Variants in NDUFS4 observed in about 807,000 individuals in gnomAD.
NDUFS4 encodes NADH dehydrogenase [ubiquinone] iron-sulfur protein 4, mitochondrial.
Under a neutral mutation model 24.3 loss-of-function variants are expected in NDUFS4, and 28 were observed. The ratio of observed to expected loss-of-function variants is 1.15; its 90% CI spans 0.85 to 1.58. The LOEUF is 1.58. Ranked by LOEUF, NDUFS4 falls within the 40% of genes most tolerant of loss-of-function variation. The pLI is 0.00. For missense variants in NDUFS4, 223 were observed against 207.9 expected, an observed-to-expected ratio of 1.07 and a Z score of -0.45; for synonymous variants, 93 against 69.7, an observed-to-expected ratio of 1.34 and a Z score of -1.67.
intron 4 of NDUFS4, among the ~76,000 whole-genome samples, chr5:53,678,659 T>C (rs1487563796): frequency 2.0e-5 from 3 of 152,190 alleles, no homozygotes; most frequent in Admixed American, 1.3e-4. Flanking sequence ...TTTGGGCTCT[T>C]TCTTTTAAAA....
intron 1 of NDUFS4, among the ~76,000 whole-genome samples, chr5:53,563,772 G>T (rs1321906245): frequency 6.6e-6 from 1 of 152,174 alleles, no homozygotes. Context: ...AAAGTGCTGG[G>T]ATGACAGGCG....
At chr5:53,636,034 T>C (rs2112495520) in intron 2 of NDUFS4, among the ~76,000 whole-genome samples, 1 of 152,338 alleles carries the variant, frequency 6.6e-6, no homozygotes, top group East Asian at 1.9e-4. Context: ...GAAAAAAATG[T>C]AACAAATGTT....
intron 2 of NDUFS4, among the ~76,000 whole-genome samples, chr5:53,632,021 C>A (rs572872907): frequency 6.6e-6 from 1 of 152,184 alleles, no homozygotes; most frequent in Non-Finnish European, 1.5e-5. Flanking sequence ...TGCTTCGGCT[C>A]GCCCTCCGTG....
intron 2 of NDUFS4, among the ~76,000 whole-genome samples, chr5:53,621,844 G>C (rs1368430064): frequency 6.6e-6 from 1 of 151,622 alleles, no homozygotes; most frequent in Non-Finnish European, 1.5e-5. Flanking sequence ...TGGGACTACA[G>C]GCGTGCGCCA....
chr5:53,596,527 G>A (rs72751847), intron 1 of NDUFS4, among the ~76,000 whole-genome samples: 14,141 of 152,112 alleles, frequency 0.093, 780 homozygotes, highest in Non-Finnish European at 0.13. Context: ...TCTATCTAAT[G>A]AATACAGTAT....
At chr5:53,597,738 G>A (rs532141310) in intron 1 of NDUFS4, among the ~76,000 whole-genome samples, 2 of 152,224 alleles carry the variant, frequency 1.3e-5, no homozygotes, top group East Asian at 1.9e-4. Context: ...ATCCATGAAC[G>A]AAAAATGCAT....
intron 1 of NDUFS4, 28 bp from the exon 2 acceptor site, chr5:53,603,424 T>A: frequency 6.3e-7 from 1 of 1,576,950 alleles, no homozygotes; most frequent in Non-Finnish European, 8.7e-7. Flanking sequence ...GCCTGGATCC[T>A]TTTTTAACTT....
chr5:53,658,241 A>G (rs947244985), intron 3 of NDUFS4, among the ~76,000 whole-genome samples: 1 of 152,182 alleles, frequency 6.6e-6, no homozygotes, highest in Non-Finnish European at 1.5e-5. Context: ...TTTAATTTCC[A>G]TTTAAGAATC....
At chr5:53,679,323 T>C (rs1287064427) in intron 4 of NDUFS4, among the ~76,000 whole-genome samples, 1 of 150,842 alleles carries the variant, frequency 6.6e-6, no homozygotes, top group African/African-American at 2.4e-5. Context: ...TATTAGAAAA[T>C]GCATGCTTCT....
chr5:53,586,007 T>C (rs1170509560), intron 1 of NDUFS4, among the ~76,000 whole-genome samples: 1 of 152,082 alleles, frequency 6.6e-6, no homozygotes, highest in African/African-American at 2.4e-5. Context: ...CTGACTAGTA[T>C]AGAATATTTT....
chr5:53,562,410 A>G (rs1345200227), intron 1 of NDUFS4, among the ~76,000 whole-genome samples: 1 of 152,188 alleles, frequency 6.6e-6, no homozygotes, highest in African/African-American at 2.4e-5. Flanking sequence ...TAATCAAAAC[A>G]TGGCTGTAAT....
chr5:53,603,336 C>CT lies in NDUFS4; in HGVS notation c.99-101dup, dbSNP rs11414085. 126,462 of 503,296 alleles carry CT rather than the reference C, an allele frequency of 0.25. 6,004 individuals carry two copies. The highest frequency in any genetic ancestry group is 0.32 in the Admixed American group (9,810 of 30,746). 31.2% of individuals were successfully genotyped at this position (503,296 alleles called of 1,614,324 possible). A position where few individuals can be genotyped will look rare whatever the true frequency, so the allele number is the denominator to read the frequency against. On this transcript the variant is annotated intron_variant, in intron 1 of 4. Transcript: ENST00000296684. ...TGCCCTCTTCTCTTTCTTTCCTTTC[C>CT]TTTTTTTTTTTTTTTAATAAGACAG... is the stretch of plus-strand genomic sequence containing the variant.
intron 1 of NDUFS4, among the ~76,000 whole-genome samples, chr5:53,595,788 T>C (rs1281905542): frequency 6.6e-6 from 1 of 152,176 alleles, no homozygotes; most frequent in Non-Finnish European, 1.5e-5. Context: ...AGGATTAGTT[T>C]CAGTTTGGGG....
intron 3 of NDUFS4, among the ~76,000 whole-genome samples, chr5:53,653,282 T>C (rs987961683): frequency 3.9e-5 from 6 of 152,312 alleles, no homozygotes; most frequent in Admixed American, 3.9e-4. Context: ...ACGTAGATGT[T>C]GCGAATTCTC....
chr5:53,632,151 A>G (rs562671526), intron 2 of NDUFS4, among the ~76,000 whole-genome samples: 2 of 152,300 alleles, frequency 1.3e-5, no homozygotes, highest in East Asian at 1.9e-4. Flanking sequence ...AGCAGTTCCT[A>G]TTTGGCCATC....
At chr5:53,655,567 CT>C (rs1752137263) in intron 3 of NDUFS4, among the ~76,000 whole-genome samples, 2 of 151,862 alleles carry the variant, frequency 1.3e-5, no homozygotes, top group African/African-American at 4.8e-5. Flanking sequence ...GGATATGTGG[CT>C]TTCTAATATG....
At chr5:53,623,123 A>G (rs2112480380) in intron 2 of NDUFS4, among the ~76,000 whole-genome samples, 1 of 152,342 alleles carries the variant, frequency 6.6e-6, no homozygotes, top group East Asian at 1.9e-4. Flanking sequence ...TCAAGTTTTT[A>G]GGAAGATGCC....
At chr5:53,587,083 C>CA (rs1450926509) in intron 1 of NDUFS4, among the ~76,000 whole-genome samples, 4 of 151,818 alleles carry the variant, frequency 2.6e-5, no homozygotes, top group Admixed American at 6.6e-5. Context: ...CTCGGCGTCT[C>CA]AAAGTGCTGG....
At chr5:53,564,723 G>A (rs904881316) in intron 1 of NDUFS4, among the ~76,000 whole-genome samples, 22 of 152,082 alleles carry the variant, frequency 1.4e-4, no homozygotes, top group African/African-American at 5.1e-4. Context: ...TGTATTTTCA[G>A]TACAGACGGG....
Sources: allele counts gnomAD v4.1 joint callset (sites outside exome capture counted in the v4.1 genomes callset), GRCh38; gene constraint gnomAD v4.1.1; transcripts MANE v1.5; gene names NCBI Gene and HGNC (gene_info 2026-07-23, HGNC 2026-07-21).